KCNN2: variants seen among roughly 807,000 people sequenced by gnomAD.
KCNN2 encodes potassium calcium-activated channel subfamily N member 2.
A neutral mutation model predicts 55.5 loss-of-function variants in KCNN2; 24 were observed. The ratio of observed to expected loss-of-function variants is 0.43; its 90% CI spans 0.31 to 0.61. The LOEUF (loss-of-function observed/expected upper bound fraction) is 0.61, where lower values mean the gene tolerates loss of function less well. Ranked by LOEUF, KCNN2 falls within the 20% of genes least tolerant of loss-of-function variation. The probability of loss-of-function intolerance (pLI) is 0.08; values close to 1 mark genes in which losing one functional copy is unlikely to be tolerated. For synonymous variants in KCNN2, 431 were observed against 336.1 expected (o/e 1.28, Z -3.09); for missense variants, 754 against 853.6 (o/e 0.88, Z 1.45).
chr5:114,472,969 C>T, intron 4 of KCNN2, 85 bp from the exon 5 acceptor site: 1 of 712,066 alleles, frequency 1.4e-6, no homozygotes, highest in Non-Finnish European at 2.3e-6. Flanking sequence ...GAAACTTTTG[C>T]ATTTGATGCA....
At chr5:114,408,763 A>T (rs1019759969) in intron 3 of KCNN2, among the ~76,000 whole-genome samples, 1 of 152,200 alleles carries the variant, frequency 6.6e-6, no homozygotes, top group Non-Finnish European at 1.5e-5. Context: ...TGTACATGCC[A>T]TATATTTTCT....
intron 3 of KCNN2, among the ~76,000 whole-genome samples, chr5:114,453,237 A>T (rs994599623): frequency 6.6e-6 from 1 of 152,184 alleles, no homozygotes; most frequent in Non-Finnish European, 1.5e-5. Flanking sequence ...AAGCCAAGGA[A>T]AGAGAGGGCC....
chr5:114,353,212 T>C (rs958188766), intron 2 of KCNN2, among the ~76,000 whole-genome samples: 6 of 151,794 alleles, frequency 4.0e-5, no homozygotes, highest in African/African-American at 1.4e-4. Context: ...ACTCCAATAC[T>C]TATATGGTTG....
intron 2 of KCNN2, chr5:114,253,512 A>T (rs1474590942): frequency 3.3e-5 from 5 of 152,846 alleles, no homozygotes; most frequent in Non-Finnish European, 7.3e-5. Flanking sequence ...GGGAAGGAGG[A>T]GGACGTGAGA....
At chr5:114,373,771 A>G (rs1170180748) in intron 2 of KCNN2, among the ~76,000 whole-genome samples, 1 of 147,594 alleles carries the variant, frequency 6.8e-6, no homozygotes, top group African/African-American at 2.5e-5. Context: ...ATTGGAGCTC[A>G]GCTTCTCTGG....
chr5:114,270,942 T>C (rs978454167), intron 2 of KCNN2, among the ~76,000 whole-genome samples: 2 of 152,136 alleles, frequency 1.3e-5, no homozygotes, highest in Non-Finnish European at 1.5e-5. Context: ...GTGGTGAGTG[T>C]TACAGCTCAT....
chr5:114,359,746 T>C (rs1757368064), upstream of KCNN2, among the ~76,000 whole-genome samples: 1 of 152,232 alleles, frequency 6.6e-6, no homozygotes, highest in African/African-American at 2.4e-5. Context: ...AATCAAACAT[T>C]TTCACTCAAT....
At chr5:114,127,008 C>T (rs144929621) in intron 1 of KCNN2, among the ~76,000 whole-genome samples, 30 of 152,302 alleles carry the variant, frequency 2.0e-4, no homozygotes, top group African/African-American at 6.5e-4. Context: ...CGCGCTGATG[C>T]AAGAGATGGG....
chr5:114,361,689 G>T (rs1757425466), upstream of KCNN2, among the ~76,000 whole-genome samples: 1 of 152,332 alleles, frequency 6.6e-6, no homozygotes, highest in East Asian at 1.9e-4. Flanking sequence ...GGCTGGCGCA[G>T]GTGATCCGGG....
At chr5:114,282,267 T>G (rs1561553802) in intron 2 of KCNN2, among the ~76,000 whole-genome samples, 1 of 152,110 alleles carries the variant, frequency 6.6e-6, no homozygotes, top group Non-Finnish European at 1.5e-5. Flanking sequence ...TCATTTTTAC[T>G]TTGGTTGAAT....
chr5:114,495,930 A>T lies in KCNN2; in HGVS notation c.2124A>T (p.Leu708Phe). The change falls in exon 8 of 8, where the codon TTA becomes TTT. Residue 708 changes from leucine to phenylalanine, a missense_variant. By Grantham distance (22) the Leu-to-Phe change is conservative. Transcript: ENST00000673685. ...QNIMYDMISD[L>F]NERSEDFEKR... ...TCATGTATGATATGATTTCTGACTT[A>T]AACGAAAGGAGTGAAGACTTCGAGA... 6.2e-7 allele frequency: 1 copy of T among 1,613,958 alleles called. No homozygotes were observed. Among genetic ancestry groups the T allele is most frequent in the Non-Finnish European group, 8.5e-7 (1 of 1,179,878 alleles).
chr5:114,412,272 A>G (rs1480919755), intron 3 of KCNN2, among the ~76,000 whole-genome samples: 1 of 152,222 alleles, frequency 6.6e-6, no homozygotes, highest in African/African-American at 2.4e-5. Context: ...CCAATAAAAC[A>G]AAAAATAGGA....
intron 1 of KCNN2, among the ~76,000 whole-genome samples, chr5:114,153,160 AATTAGATATATG>A (rs1240369655): frequency 6.6e-6 from 1 of 152,194 alleles, no homozygotes; most frequent in Non-Finnish European, 1.5e-5. Context: ...GCCAGTGGGC[AATTAGATATATG>A]AGTCAGAAGT....
chr5:114,359,790 T>A (rs1007760813), upstream of KCNN2, among the ~76,000 whole-genome samples: 3 of 152,250 alleles, frequency 2.0e-5, no homozygotes, highest in Non-Finnish European at 4.4e-5. Flanking sequence ...CTACATAATT[T>A]GTTGAAAAGC....
At chr5:114,118,535 GA>G (rs1036545098) in intron 1 of KCNN2, among the ~76,000 whole-genome samples, 14 of 151,994 alleles carry the variant, frequency 9.2e-5, no homozygotes, top group African/African-American at 3.4e-4. Flanking sequence ...CAGTGAGGCA[GA>G]AAAAATAAGA....
intron 1 of KCNN2, among the ~76,000 whole-genome samples, chr5:114,150,471 T>C (rs1333772630): frequency 2.6e-5 from 4 of 152,204 alleles, no homozygotes; most frequent in African/African-American, 9.6e-5. Flanking sequence ...ATAAGTGGCC[T>C]CTTTAACCAA....
At chr5:114,095,824 A>G (rs75702139) in intron 1 of KCNN2, among the ~76,000 whole-genome samples, 2,126 of 149,220 alleles carry the variant, frequency 0.014, 41 homozygotes, top group African/African-American at 0.05. Flanking sequence ...TTTGACTTCC[A>G]AATTGGACTC....
chr5:114,422,142 T>A (rs1759489278), intron 3 of KCNN2, among the ~76,000 whole-genome samples: 1 of 152,242 alleles, frequency 6.6e-6, no homozygotes, highest in Non-Finnish European at 1.5e-5. Context: ...GAAAGCGAAC[T>A]TGTGCTGCTA....
At chr5:114,235,107 T>A (rs903482991) in intron 2 of KCNN2, among the ~76,000 whole-genome samples, 1 of 152,174 alleles carries the variant, frequency 6.6e-6, no homozygotes, top group Non-Finnish European at 1.5e-5. Flanking sequence ...AGGACATCAT[T>A]TCAAAGTCAC....
Sources: allele counts gnomAD v4.1 joint callset (sites outside exome capture counted in the v4.1 genomes callset), GRCh38; gene constraint gnomAD v4.1.1; transcripts MANE v1.5; gene names NCBI Gene and HGNC (gene_info 2026-07-23, HGNC 2026-07-21).